The following SPINK5 variants were observed in gnomAD, a reference collection of about 807,000 sequenced individuals.
SPINK5 encodes serine protease inhibitor Kazal-type 5.
Under a neutral mutation model 151.8 loss-of-function variants are expected in SPINK5, and 125 were observed. The ratio of observed to expected loss-of-function variants is 0.82; its 90% CI spans 0.71 to 0.96. The LOEUF is 0.96. Among genes scored for constraint, SPINK5 ranks in the 40% least tolerant of loss-of-function variants. SPINK5 has a pLI of 0.00. For missense variants in SPINK5, 1,194 were observed against 1,291.9 expected (o/e 0.92, Z 1.16); for synonymous variants, 374 against 395.3 (o/e 0.95, Z 0.64).
chr5:148,068,328 A>C (rs1453649650), intron 2 of SPINK5, among the ~76,000 whole-genome samples: 1 of 152,068 alleles, frequency 6.6e-6, no homozygotes, highest in Non-Finnish European at 1.5e-5. Context: ...ATCATTTTGC[A>C]AGTGCTACCA....
chr5:148,118,535 C>A lies in SPINK5; in HGVS notation c.2211C>A (p.Asn737Lys). Residue 737 changes from asparagine to lysine, a missense_variant, in exon 23 of 33, where the codon AAC becomes AAA. Physicochemically the swap from Asn to Lys is moderately conservative, Grantham distance 94. Coordinates refer to ENST00000256084, the MANE Select transcript of SPINK5 (RefSeq NM_006846.4). ...GTGATGCTGATGGCAAATCGTACAA[C>A]AATCAGTGTACCATGTGTAAAGCAA... is the stretch of plus-strand genomic sequence containing the variant. ...PVRDADGKSYNNQCTMCKAKL... is the reference protein window; with the variant it reads ...PVRDADGKSYKNQCTMCKAKL... 6.2e-7 allele frequency: 1 copy of A among 1,614,102 alleles called. No homozygotes were observed. Among genetic ancestry groups the A allele is most frequent in the Non-Finnish European group, 8.5e-7 (1 of 1,180,004 alleles).
chr5:148,136,967 C>G lies in SPINK5; in HGVS notation c.3187-16C>G, dbSNP rs376544708. 1.2e-6 allele frequency: 2 copies of G among 1,613,510 alleles called. No homozygotes were observed. The highest frequency in any genetic ancestry group is 2.7e-5 in the African/African-American group (2 of 74,900). On this transcript the variant is annotated splice_polypyrimidine_tract_variant and intron_variant, in intron 32 of 32. Coordinates refer to ENST00000256084, the MANE Select transcript of SPINK5 (RefSeq NM_006846.4). ...CTCTGGGTTCTAGCATCTAACCTAC[C>G]CATCTTCTCTTCTAGGACGAATGAC...
At chr5:148,067,233 C>G (rs1200447973) in intron 2 of SPINK5, among the ~76,000 whole-genome samples, 1 of 152,112 alleles carries the variant, frequency 6.6e-6, no homozygotes, top group East Asian at 1.9e-4. Context: ...ATTATAATAT[C>G]TGGAGATGGA....
chr5:148,131,201 G>A (rs990801288), intron 30 of SPINK5, 58 bp from the exon 31 acceptor site: 6 of 1,604,806 alleles, frequency 3.7e-6, no homozygotes, highest in Non-Finnish European at 5.1e-6. Flanking sequence ...GTTTTCTTAA[G>A]CCCACCCCTC....
chr5:148,118,922 C>T, intron 23 of SPINK5, 64 bp from the exon 24 acceptor site: 2 of 1,517,558 alleles, frequency 1.3e-6, no homozygotes, highest in Non-Finnish European at 1.8e-6. Context: ...ACGGGACACA[C>T]TTAGTGCATA....
chr5:148,132,292 A>G (rs1270392549), intron 31 of SPINK5, among the ~76,000 whole-genome samples: 1 of 152,146 alleles, frequency 6.6e-6, no homozygotes, highest in African/African-American at 2.4e-5. Flanking sequence ...CCAGACCTAC[A>G]TTGTAGTACT....
chr5:148,105,103 G>T, intron 16 of SPINK5, 103 bp downstream of exon 16: 2 of 1,299,836 alleles, frequency 1.5e-6, no homozygotes, highest in Non-Finnish European at 2.2e-6. Context: ...TAATTTTCAT[G>T]CCTGAAATAA....
At chr5:148,115,904 T>G (rs185241605) in intron 21 of SPINK5, among the ~76,000 whole-genome samples, 1 of 150,798 alleles carries the variant, frequency 6.6e-6, no homozygotes, top group East Asian at 2.0e-4. Flanking sequence ...TCACTGTAAC[T>G]TCTGCCTCCT....
intron 29 of SPINK5, 55 bp downstream of exon 29, chr5:148,125,905 A>C (rs1754419650): frequency 6.2e-7 from 1 of 1,612,736 alleles, no homozygotes; most frequent in Non-Finnish European, 8.5e-7. Flanking sequence ...GCATTTTTAG[A>C]AACTGCTGCT....
chr5:148,114,334 A>G, intron 20 of SPINK5, 28 bp from the exon 21 acceptor site: 1 of 1,606,982 alleles, frequency 6.2e-7, no homozygotes, highest in Non-Finnish European at 8.5e-7. Flanking sequence ...GAAGATACTC[A>G]AGCTTTCTCC....
chr5:148,135,471 C>A (rs990096512), intron 32 of SPINK5, among the ~76,000 whole-genome samples: 1 of 152,202 alleles, frequency 6.6e-6, no homozygotes, highest in Non-Finnish European at 1.5e-5. Context: ...CGGGGCTTAT[C>A]ACACAGGGTG....
At chr5:148,136,769 T>C (rs1754703968) in intron 32 of SPINK5, among the ~76,000 whole-genome samples, 1 of 152,224 alleles carries the variant, frequency 6.6e-6, no homozygotes, top group Admixed American at 6.5e-5. Context: ...GCCATGTTCA[T>C]ATTTGTGTCC....
At chr5:148,104,916 C>A (rs780452686) in intron 15 of SPINK5, 36 bp from the exon 16 acceptor site, 5 of 1,587,666 alleles carry the variant, frequency 3.1e-6, no homozygotes, top group East Asian at 2.3e-5. Context: ...AAAAAAAATC[C>A]ATTTCTTCTC....
chr5:148,109,096 A>C (rs1032297160), intron 18 of SPINK5, among the ~76,000 whole-genome samples: 1 of 152,328 alleles, frequency 6.6e-6, no homozygotes, highest in East Asian at 1.9e-4. Context: ...CTAAGAAAGA[A>C]GTATATATAG....
At position 148,091,169 on chromosome 5, in the gene SPINK5, A is replaced by G. The variant is rs1753298194; in HGVS notation, c.607A>G (p.Lys203Glu). 6.2e-7 allele frequency: 1 copy of G among 1,610,966 alleles called. No individual in the cohort carries two copies. The highest frequency in any genetic ancestry group is 1.1e-5 in the South Asian group (1 of 90,950). ...KCAMCAELFL[K>E]EAENAKREGE... ...ACTGTTTACTTTTCTTAACAGTTTAAAAGAAGCTGAAAATGCCAAGCGAGA... is the reference window on the plus strand; with the variant it reads ...ACTGTTTACTTTTCTTAACAGTTTAGAAGAAGCTGAAAATGCCAAGCGAGA... Residue 203 changes from lysine (K) to glutamate (E), a missense_variant, in exon 8 of 33, where the codon AAA (lysine) becomes GAA (glutamate). Lys to Glu is a moderately conservative substitution (Grantham distance 56). Transcript: ENST00000256084.
At position 148,100,573 on chromosome 5, in the gene SPINK5, G is replaced by T. The variant is rs1233737622; in HGVS notation, c.1212G>T (p.Glu404Asp). 1 of 1,612,864 alleles carries T rather than the reference G, an allele frequency of 6.2e-7. No individual in the cohort carries two copies. The highest frequency in any genetic ancestry group is 2.2e-5 in the East Asian group (1 of 44,820). ...KVHGNTCSMC[E>D]VFFQAEEEEK... ...ATGGCAACACCTGCTCCATGTGTGAGGTCTTCTTGTGAGTAGCCCTGCAGC... is the reference window on the plus strand; with the variant it reads ...ATGGCAACACCTGCTCCATGTGTGATGTCTTCTTGTGAGTAGCCCTGCAGC... The change falls in exon 13 of 33, where the codon GAG becomes GAT. Residue 404 changes from glutamate to aspartate, a missense_variant. By Grantham distance (45) the Glu-to-Asp change is conservative. Coordinates refer to ENST00000256084, the MANE Select transcript of SPINK5 (RefSeq NM_006846.4).
At chr5:148,086,345 T>C (rs1345902021) in intron 4 of SPINK5, 60 bp from the exon 5 acceptor site, 63 of 1,592,176 alleles carry the variant, frequency 4.0e-5, no homozygotes, top group Non-Finnish European at 4.5e-5. Context: ...AATCTATTTA[T>C]ACATCTAAGG....
At chr5:148,064,180 G>A in intron 1 of SPINK5, 81 bp downstream of exon 1, 3 of 1,501,436 alleles carry the variant, frequency 2.0e-6, no homozygotes, top group Non-Finnish European at 2.8e-6. Flanking sequence ...CCCTACTCCT[G>A]CCAAAAAATG....
At chr5:148,068,554 C>CA (rs1166912306) in intron 2 of SPINK5, among the ~76,000 whole-genome samples, 102 of 89,198 alleles carry the variant, frequency 1.1e-3, no homozygotes, top group Middle Eastern at 0.011. Flanking sequence ...CCTGCCTCTC[C>CA]AAAAAAAAAA....
Sources: gnomAD v4.1 joint callset for allele counts (sites outside exome capture counted in the v4.1 genomes callset) on GRCh38, gnomAD v4.1.1 for gene constraint, MANE v1.5 for transcripts, NCBI Gene and HGNC (gene_info 2026-07-23, HGNC 2026-07-21) for gene names.